DOCK4: variants seen among roughly 807,000 people sequenced by gnomAD.
The protein encoded by DOCK4 is dedicator of cytokinesis protein 4.
Under a neutral mutation model 268.1 loss-of-function variants are expected in DOCK4, and 97 were observed. That is an observed-to-expected ratio of 0.36 (90% CI 0.31 to 0.43). The LOEUF (loss-of-function observed/expected upper bound fraction) is 0.43. Among genes scored for constraint, DOCK4 ranks in the 20% least tolerant of loss-of-function variants. The pLI is 1.00. For synonymous variants in DOCK4, 954 were observed against 887.2 expected, an observed-to-expected ratio of 1.08 and a Z score of -1.34; for missense variants, 2,145 against 2,455.7, an observed-to-expected ratio of 0.87 and a Z score of 2.67.
At chr7:112,006,087 T>A (rs899297916) in intron 1 of DOCK4, among the ~76,000 whole-genome samples, 2 of 152,206 alleles carry the variant, frequency 1.3e-5, no homozygotes, top group Admixed American at 6.5e-5. Flanking sequence ...AGTTTCATTC[T>A]CCAGACACTC....
At chr7:111,788,474 C>T (rs765347944) in intron 32 of DOCK4, 188 bp downstream of exon 32, 11 of 584,078 alleles carry the variant, frequency 1.9e-5, no homozygotes, top group Non-Finnish European at 3.1e-5. Context: ...CATGCCTAAT[C>T]ATCAACATTA....
At chr7:111,752,489 C>T (rs1173090762) in intron 42 of DOCK4, among the ~76,000 whole-genome samples, 1 of 149,668 alleles carries the variant, frequency 6.7e-6, no homozygotes, top group African/African-American at 2.5e-5. Flanking sequence ...AAAATATTCT[C>T]GTAATCTTTA....
chr7:111,820,384 C>T (rs1329833914), intron 27 of DOCK4: 1 of 152,246 alleles, frequency 6.6e-6, no homozygotes, highest in East Asian at 1.9e-4. Context: ...GAAGTCACCA[C>T]ATTTAGCAAA....
At chr7:111,768,564 T>C (rs1354653861) in intron 37 of DOCK4, among the ~76,000 whole-genome samples, 1 of 151,896 alleles carries the variant, frequency 6.6e-6, no homozygotes, top group Non-Finnish European at 1.5e-5. Flanking sequence ...TCAAATCCAA[T>C]AAACAATGGC....
intron 52 of DOCK4, among the ~76,000 whole-genome samples, chr7:111,729,858 CG>C (rs1446673637): frequency 6.6e-6 from 1 of 152,188 alleles, no homozygotes; most frequent in Non-Finnish European, 1.5e-5. Context: ...TGGCAGCCCT[CG>C]GGGCTGTAGC....
At chr7:112,152,124 T>A (rs569494881) in intron 1 of DOCK4, among the ~76,000 whole-genome samples, 1 of 152,314 alleles carries the variant, frequency 6.6e-6, no homozygotes, top group East Asian at 1.9e-4. Flanking sequence ...AAAAGAATAT[T>A]TATATAAAGG....
Position 111,841,019 on chromosome 7 carries a change from T to C in DOCK4, c.2736+3744A>G, listed in dbSNP as rs963394489. ...ACGTCTGCAACAATCATGATATGAC[T>C]GTGACTTCTGCTGCTACCACAATGA... On this transcript the variant is annotated intron_variant, in intron 25 of 52. Coordinates refer to ENST00000428084, the MANE Select transcript of DOCK4 (RefSeq NM_001363540.2). The C allele has an allele frequency of 1.2e-5, 5 of 401,528 alleles. No homozygotes were observed. In the Admixed American group the frequency reaches 1.5e-4, roughly 12 times the overall value. 24.9% of individuals were successfully genotyped at this position (401,528 alleles called of 1,614,324 possible).
chr7:112,050,641 T>C (rs1178953545), intron 1 of DOCK4, among the ~76,000 whole-genome samples: 1 of 148,648 alleles, frequency 6.7e-6, no homozygotes, highest in Non-Finnish European at 1.5e-5. Context: ...TTGAAGAGTC[T>C]GACAGAGAGA....
intron 16 of DOCK4, among the ~76,000 whole-genome samples, chr7:111,893,218 T>C (rs1808434446): frequency 6.6e-6 from 1 of 152,200 alleles, no homozygotes; most frequent in African/African-American, 2.4e-5. Context: ...GACTCCTAAA[T>C]GTTCACATGG....
chr7:112,021,323 A>G (rs1431743824), intron 1 of DOCK4, among the ~76,000 whole-genome samples: 1 of 152,246 alleles, frequency 6.6e-6, no homozygotes, highest in African/African-American at 2.4e-5. Context: ...GAAATGTTTC[A>G]TCTATATAGG....
At chr7:111,890,147 C>T (rs1338645918) in intron 16 of DOCK4, among the ~76,000 whole-genome samples, 2 of 152,198 alleles carry the variant, frequency 1.3e-5, no homozygotes, top group African/African-American at 4.8e-5. Context: ...ATTCTCTCAT[C>T]AATCTCCTCA....
chr7:112,062,459 T>C (rs889489510), intron 1 of DOCK4, among the ~76,000 whole-genome samples: 2 of 152,158 alleles, frequency 1.3e-5, no homozygotes, highest in East Asian at 3.9e-4. Context: ...GCTGTCAATG[T>C]TTTTATATTT....
At chr7:111,888,025 T>C (rs2134331352) in intron 16 of DOCK4, among the ~76,000 whole-genome samples, 1 of 152,016 alleles carries the variant, frequency 6.6e-6, no homozygotes, top group South Asian at 2.1e-4. Context: ...GTTAAGGAAG[T>C]TCCTGTCTGA....
intron 23 of DOCK4, among the ~76,000 whole-genome samples, chr7:111,849,784 C>G (rs1386140198): frequency 6.6e-6 from 1 of 152,156 alleles, no homozygotes; most frequent in Non-Finnish European, 1.5e-5. Context: ...TTCTCTTGGG[C>G]TGATCAGTTT....
At chr7:111,978,818 C>T (rs1219287508) in intron 7 of DOCK4, among the ~76,000 whole-genome samples, 3 of 152,194 alleles carry the variant, frequency 2.0e-5, no homozygotes, top group Non-Finnish European at 2.9e-5. Context: ...CAACAGTTCA[C>T]GGTCCAGCCA....
chr7:112,009,181 A>T (rs1466327234), intron 1 of DOCK4, among the ~76,000 whole-genome samples: 1 of 152,248 alleles, frequency 6.6e-6, no homozygotes, highest in African/African-American at 2.4e-5. Context: ...GGAATGGAAC[A>T]TAATGCAGGA....
chr7:112,071,117 G>A (rs1469091576), intron 1 of DOCK4, among the ~76,000 whole-genome samples: 1 of 152,164 alleles, frequency 6.6e-6, no homozygotes, highest in African/African-American at 2.4e-5. Flanking sequence ...CTGATAGTAG[G>A]AAAAAACCAA....
chr7:111,972,659 G>C (rs1349704057), intron 8 of DOCK4, among the ~76,000 whole-genome samples: 1 of 151,964 alleles, frequency 6.6e-6, no homozygotes. Context: ...AGATTATGTA[G>C]ACTACATTCT....
intron 12 of DOCK4, among the ~76,000 whole-genome samples, chr7:111,919,099 C>T (rs75134309): frequency 6.6e-6 from 1 of 151,480 alleles, no homozygotes; most frequent in Non-Finnish European, 1.5e-5. Context: ...TAACCAGCAG[C>T]GACTTTAAAA....
Sources: allele counts gnomAD v4.1 joint callset (sites outside exome capture counted in the v4.1 genomes callset), GRCh38; gene constraint gnomAD v4.1.1; transcripts MANE v1.5; gene names NCBI Gene and HGNC (gene_info 2026-07-23, HGNC 2026-07-21).